Variants in ERICH1 observed in about 807,000 individuals in gnomAD.
The protein encoded by ERICH1 is glutamate-rich protein 1.
In ERICH1, 56 loss-of-function variants were observed where a neutral mutation model predicts 39.6. The observed-to-expected ratio is 1.41, with a 90% CI of 1.14 to 1.77. The LOEUF (loss-of-function observed/expected upper bound fraction) is 1.77. Among genes scored for constraint, ERICH1 ranks in the 40% most tolerant of loss-of-function variants. ERICH1 has a pLI of 0.00. For synonymous variants in ERICH1, 313 were observed against 223.6 expected (o/e 1.40, Z -3.57); for missense variants, 826 against 575.4 (o/e 1.44, Z -4.45).
At chr8:713,207 G>C (rs1815155273) in intron 2 of ERICH1, among the ~76,000 whole-genome samples, 1 of 152,206 alleles carries the variant, frequency 6.6e-6, no homozygotes. Flanking sequence ...ATCAACTTTA[G>C]GACCCCATCT....
At chr8:683,852 T>C (rs1291345555) in intron 3 of ERICH1, among the ~76,000 whole-genome samples, 1 of 152,214 alleles carries the variant, frequency 6.6e-6, no homozygotes, top group Non-Finnish European at 1.5e-5. Flanking sequence ...ACTAAACATG[T>C]GGCCAAATAC....
At chr8:618,722 T>C (rs575042101) in intron 3 of ERICH1, among the ~76,000 whole-genome samples, 1 of 152,314 alleles carries the variant, frequency 6.6e-6, no homozygotes, top group Admixed American at 6.5e-5. Flanking sequence ...GGATACTAAC[T>C]ATTAAAATTG....
chr8:700,177 ACAGGCCCG>A, intron 2 of ERICH1, among the ~76,000 whole-genome samples: 4 of 124,028 alleles, frequency 3.2e-5, no homozygotes, highest in Admixed American at 8.1e-5. Context: ...ACAGGCCCGC[ACAGGCCCG>A]CACACGCGCA....
chr8:617,528 C>G (rs1372272043), intron 3 of ERICH1, among the ~76,000 whole-genome samples: 1 of 152,104 alleles, frequency 6.6e-6, no homozygotes, highest in Non-Finnish European at 1.5e-5. Context: ...TTGGTCCATC[C>G]TCACTGCCCT....
At chr8:682,016 C>A (rs141425972) in intron 3 of ERICH1, among the ~76,000 whole-genome samples, 22 of 152,230 alleles carry the variant, frequency 1.4e-4, no homozygotes, top group African/African-American at 5.3e-4. Flanking sequence ...TGTCTCCTCT[C>A]AGAAGTTTTC....
At chr8:707,834 A>T (rs564885258) in intron 2 of ERICH1, among the ~76,000 whole-genome samples, 1 of 152,364 alleles carries the variant, frequency 6.6e-6, no homozygotes, top group Non-Finnish European at 1.5e-5. Flanking sequence ...GCTTTAAAGG[A>T]TACCATTAAG....
At chr8:657,920 A>G (rs1800872179) in intron 3 of ERICH1, among the ~76,000 whole-genome samples, 3 of 152,198 alleles carry the variant, frequency 2.0e-5, no homozygotes, top group Non-Finnish European at 4.4e-5. Context: ...GAAGAATGGC[A>G]GAGGTGGTTT....
At chr8:665,460 CAG>C (rs548815771) in intron 5 of ERICH1, among the ~76,000 whole-genome samples, 1 of 152,226 alleles carries the variant, frequency 6.6e-6, no homozygotes, top group Non-Finnish European at 1.5e-5. Flanking sequence ...TTTCCAACCA[CAG>C]AGAGCCAAGC....
At chr8:727,931 AC>A (rs1255217770) in intron 1 of ERICH1, among the ~76,000 whole-genome samples, 1 of 152,166 alleles carries the variant, frequency 6.6e-6, no homozygotes, top group Non-Finnish European at 1.5e-5. Flanking sequence ...GCATCCTCCC[AC>A]CACACACACA....
At chr8:726,113 C>T (rs954497802) in intron 1 of ERICH1, among the ~76,000 whole-genome samples, 5 of 152,208 alleles carry the variant, frequency 3.3e-5, no homozygotes, top group African/African-American at 1.2e-4. Context: ...CCAACAGAGT[C>T]ACCAGGCACC....
chr8:685,142 G>A (rs750538480), intron 3 of ERICH1, among the ~76,000 whole-genome samples: 17 of 152,130 alleles, frequency 1.1e-4, no homozygotes, highest in East Asian at 5.8e-4. Context: ...CCCCCAGAGC[G>A]GCCATTTTAG....
chr8:724,415 AACACCTTACCT>A (rs1162111253), intron 1 of ERICH1, among the ~76,000 whole-genome samples: 1 of 152,184 alleles, frequency 6.6e-6, no homozygotes, highest in Non-Finnish European at 1.5e-5. Flanking sequence ...AGCGTTCACA[AACACCTTACCT>A]TCACGGGCGG....
At chr8:697,576 G>A (rs62484178) in intron 2 of ERICH1, among the ~76,000 whole-genome samples, 2,844 of 152,226 alleles carry the variant, frequency 0.019, 35 homozygotes, top group Middle Eastern at 0.034. Context: ...CACCTGGCAC[G>A]GAGCTGGAGG....
intron 3 of ERICH1, among the ~76,000 whole-genome samples, chr8:658,770 C>T (rs1338849062): frequency 6.6e-6 from 1 of 152,198 alleles, no homozygotes; most frequent in Non-Finnish European, 1.5e-5. Flanking sequence ...AGCCTCAGGG[C>T]AAGGCCTCGA....
chr8:649,720 C>A (rs73531466), intron 3 of ERICH1, among the ~76,000 whole-genome samples: 298 of 152,314 alleles, frequency 2.0e-3, no homozygotes, highest in African/African-American at 6.7e-3. Context: ...GCTCCAAGGC[C>A]CTGTGGCCCC....
chr8:723,279 C>T (rs973314187), intron 1 of ERICH1, among the ~76,000 whole-genome samples: 1 of 152,230 alleles, frequency 6.6e-6, no homozygotes, highest in Non-Finnish European at 1.5e-5. Flanking sequence ...CCCAGCAAAC[C>T]TCTTTTCTTT....
At chr8:616,807 G>T (rs1796933165) in intron 3 of ERICH1, among the ~76,000 whole-genome samples, 2 of 76,372 alleles carry the variant, frequency 2.6e-5, no homozygotes, top group Non-Finnish European at 4.9e-5. Context: ...AAGAGAGGGG[G>T]GAGGAAGAGA....
chr8:682,824 G>T (rs931944048), intron 3 of ERICH1, among the ~76,000 whole-genome samples: 18 of 152,300 alleles, frequency 1.2e-4, no homozygotes, highest in Admixed American at 2.6e-4. Flanking sequence ...AAGTAGGCTA[G>T]GCATTTTAAA....
intron 2 of ERICH1, among the ~76,000 whole-genome samples, chr8:696,919 G>C (rs569682691): frequency 2.5e-4 from 36 of 141,916 alleles, no homozygotes; most frequent in African/African-American, 9.4e-4. Flanking sequence ...CTCCCCATCA[G>C]CCTGTACTCG....
Sources: gnomAD v4.1 joint callset for allele counts (sites outside exome capture counted in the v4.1 genomes callset) on GRCh38, gnomAD v4.1.1 for gene constraint, MANE v1.5 for transcripts, NCBI Gene and HGNC (gene_info 2026-07-23, HGNC 2026-07-21) for gene names.